Variants in EHHADH observed in about 807,000 individuals in gnomAD.
EHHADH encodes the protein enoyl-CoA hydratase and 3-hydroxyacyl CoA dehydrogenase, also known as peroxisomal bifunctional enzyme.
A neutral mutation model predicts 64.4 loss-of-function variants in EHHADH; 48 were observed. The observed-to-expected ratio is 0.75, with a 90% confidence interval of 0.59 to 0.95. The LOEUF (loss-of-function observed/expected upper bound fraction) is 0.95, where lower values mean the gene tolerates loss of function less well. Among genes scored for constraint, EHHADH ranks in the 40% least tolerant of loss-of-function variants. EHHADH has a pLI of 0.00. For missense variants in EHHADH, 854 were observed against 876.6 expected (o/e 0.97, Z 0.33); for synonymous variants, 308 against 326.7 (o/e 0.94, Z 0.62).
chr3:185,204,145 A>T (rs1239096284), intron 6 of EHHADH, among the ~76,000 whole-genome samples: 6 of 150,656 alleles, frequency 4.0e-5, no homozygotes, highest in East Asian at 3.9e-4. Context: ...AAAAAAAAAA[A>T]AAAAAAAAAA....
chr3:185,203,252 G>T (rs1718281389), intron 6 of EHHADH, among the ~76,000 whole-genome samples: 1 of 151,968 alleles, frequency 6.6e-6, no homozygotes, highest in South Asian at 2.1e-4. Context: ...TCAGAAAAGA[G>T]AGAGGGAAAT....
At position 185,246,287 on chromosome 3, in the gene EHHADH, A is replaced by G. The variant is rs565238718; in HGVS notation, c.178+2127T>C. On this transcript the variant is annotated intron_variant, in intron 2 of 6. Coordinates refer to ENST00000231887, the MANE Select transcript of EHHADH (RefSeq NM_001966.4). ...TACTGTCCTCATTGTCAGCTTCCAA[A>G]TCTTTGTCCTCAGTTGGCTCTGGCT... is the stretch of plus-strand genomic sequence containing the variant. The G allele has an allele frequency of 7.4e-6, 6 of 808,838 alleles. No individual in the cohort carries two copies. In the South Asian group the frequency reaches 1.0e-4, roughly 14 times the overall value. The allele number at this position is 808,838 out of a possible 1,614,324, so 50.1% of individuals were successfully genotyped here. A position where few individuals can be genotyped will look rare whatever the true frequency, so the allele number is the denominator to read the frequency against.
At position 185,195,853 on chromosome 3, in the gene EHHADH, A is replaced by C. The variant is rs999106051; in HGVS notation, c.911-2366T>G. Among the ~76,000 whole-genome samples, 6 of 152,310 alleles carry C rather than the reference A, an allele frequency of 3.9e-5. 1 individual carries two copies. In the Middle Eastern group the frequency reaches 0.014, roughly 345 times the overall value. On this transcript the variant is annotated intron_variant, in intron 6 of 6. Transcript: ENST00000231887. ...TGTTCACTACTTGAGTGAACATTAGAAGCCCAAACCTTGGCATTACGCAAT... is the reference window on the plus strand; with the variant it reads ...TGTTCACTACTTGAGTGAACATTAGCAGCCCAAACCTTGGCATTACGCAAT...
At chr3:185,206,700 C>T (rs998244380) in intron 5 of EHHADH, among the ~76,000 whole-genome samples, 4 of 151,796 alleles carry the variant, frequency 2.6e-5, no homozygotes, top group Non-Finnish European at 5.9e-5. Context: ...TGGTGGTGTG[C>T]ACCTGTAATC....
rs114625992 is a variant in EHHADH at position 185,248,263 on chromosome 3, C to T, written c.178+151G>A. 1,219 of 661,676 alleles carry T rather than the reference C, an allele frequency of 1.8e-3. 14 individuals carry two copies. In the African/African-American group the frequency reaches 0.019, roughly 10 times the overall value. The allele number at this position is 661,676 out of a possible 1,614,324, so 41.0% of individuals were successfully genotyped here. A position where few individuals can be genotyped will look rare whatever the true frequency, so the allele number is the denominator to read the frequency against. On this transcript the variant is annotated intron_variant, in intron 2 of 6. Transcript: ENST00000231887. ...TCTGGGTCTCTCTTGTAATTCCTGTCCCTTTCTCCACAGTGTTACTCATTC... is the reference window on the plus strand; with the variant it reads ...TCTGGGTCTCTCTTGTAATTCCTGTTCCTTTCTCCACAGTGTTACTCATTC...
chr3:185,200,302 G>A (rs1042502101), intron 6 of EHHADH, among the ~76,000 whole-genome samples: 1 of 152,124 alleles, frequency 6.6e-6, no homozygotes, highest in African/African-American at 2.4e-5. Flanking sequence ...CACTGATTTA[G>A]TCTCTCTAGA....
intron 4 of EHHADH, among the ~76,000 whole-genome samples, chr3:185,220,835 C>G (rs1718812711): frequency 6.6e-6 from 1 of 152,170 alleles, no homozygotes; most frequent in Non-Finnish European, 1.5e-5. Flanking sequence ...TTCTTGATAG[C>G]TTCTTTTCTA....
intron 5 of EHHADH, among the ~76,000 whole-genome samples, chr3:185,217,761 TTTTC>T (rs761295802): frequency 0.021 from 191 of 8,888 alleles, no homozygotes; most frequent in Middle Eastern, 0.11. Context: ...AGCCTCAGGA[TTTTC>T]TTTTTTTTTT....
chr3:185,226,835 C>A (rs1718991616), intron 4 of EHHADH: 1 of 152,092 alleles, frequency 6.6e-6, no homozygotes, highest in Non-Finnish European at 1.5e-5. Context: ...TACAATGAAT[C>A]TGAGAGTCAT....
At chr3:185,226,370 C>A (rs968234704) in intron 4 of EHHADH, among the ~76,000 whole-genome samples, 1 of 152,124 alleles carries the variant, frequency 6.6e-6, no homozygotes, top group Non-Finnish European at 1.5e-5. Flanking sequence ...TCCTCCAGGC[C>A]GGGCACAGTG....
intron 1 of EHHADH, among the ~76,000 whole-genome samples, chr3:185,251,648 C>G (rs1173824266): frequency 6.7e-6 from 1 of 149,928 alleles, no homozygotes; most frequent in Non-Finnish European, 1.5e-5. Context: ...GTATTACACT[C>G]AAGTAAGAAT....
chr3:185,235,117 T>C (rs952743548), intron 3 of EHHADH, among the ~76,000 whole-genome samples, 173 bp downstream of exon 3: 1 of 150,464 alleles, frequency 6.6e-6, no homozygotes, highest in Non-Finnish European at 1.5e-5. Context: ...GAGGTGGAGG[T>C]TGCAGTGAGC....
In EHHADH at chr3:185,204,261, T is replaced by C. The variant is rs113061833; in HGVS notation, c.910+155A>G. Among the ~76,000 whole-genome samples, 177 of 152,098 alleles carry C rather than the reference T, an allele frequency of 1.2e-3. 1 individual carries two copies. The highest frequency in any genetic ancestry group is 4.1e-3 in the African/African-American group (169 of 41,486). ...GGCTGGCGTCTCTAGGCCTCTCATG[T>C]TAAAGAAGAGAGCTCATGGGGTGGT... is the stretch of plus-strand genomic sequence containing the variant. On this transcript the variant is annotated intron_variant, in intron 6 of 6. Coordinates refer to ENST00000231887, the MANE Select transcript of EHHADH (RefSeq NM_001966.4).
chr3:185,235,328 G>T lies in EHHADH; in HGVS notation c.313C>A (p.Leu105Met). The change falls in exon 3 of 7, where the codon CTG (leucine) becomes ATG (methionine). Residue 105 changes from leucine (L) to methionine (M), a missense_variant. Coordinates refer to ENST00000231887, the MANE Select transcript of EHHADH (RefSeq NM_001966.4). ...ATCCTATAGTGACAGCCCAGGGCCA[G>T]CTCTAGTCCCCCTCCGAAAGCCATG... is the stretch of plus-strand genomic sequence containing the variant. ...QGMAFGGGLE[L>M]ALGCHYRIAH... is the part of the protein sequence containing the mutation. 6.2e-7 allele frequency: 1 copy of T among 1,613,910 alleles called. No homozygotes were observed. Among genetic ancestry groups the T allele is most frequent in the African/African-American group, 1.3e-5 (1 of 75,036 alleles).
intron 4 of EHHADH, among the ~76,000 whole-genome samples, chr3:185,218,503 G>A (rs1217809359): frequency 6.6e-6 from 1 of 151,924 alleles, no homozygotes; most frequent in African/African-American, 2.4e-5. Flanking sequence ...TTTCCTCATT[G>A]GCAAATGGCA....
intron 1 of EHHADH, among the ~76,000 whole-genome samples, chr3:185,252,012 G>GT (rs1577380716): frequency 2.6e-5 from 4 of 152,254 alleles, no homozygotes; most frequent in African/African-American, 7.2e-5. Context: ...ACTTTATGAG[G>GT]TAGGCCCTAA....
intron 1 of EHHADH, among the ~76,000 whole-genome samples, chr3:185,250,011 T>C (rs1577379799): frequency 6.6e-6 from 1 of 152,258 alleles, no homozygotes; most frequent in East Asian, 1.9e-4. Flanking sequence ...GTAGAAGCTA[T>C]GTATTGAGGA....
chr3:185,220,932 G>A (rs1718816327), intron 4 of EHHADH, among the ~76,000 whole-genome samples: 1 of 152,148 alleles, frequency 6.6e-6, no homozygotes, highest in Non-Finnish European at 1.5e-5. Flanking sequence ...TAAAAAGACA[G>A]GTGTATAATT....
chr3:185,201,314 T>C (rs769762928), intron 6 of EHHADH, among the ~76,000 whole-genome samples: 3 of 152,128 alleles, frequency 2.0e-5, no homozygotes, highest in Non-Finnish European at 2.9e-5. Context: ...AGTGGGTAAC[T>C]GTGAGCCAGG....
Sources: allele counts gnomAD v4.1 joint callset (sites outside exome capture counted in the v4.1 genomes callset), GRCh38; gene constraint gnomAD v4.1.1; transcripts MANE v1.5; gene names NCBI Gene and HGNC (gene_info 2026-07-23, HGNC 2026-07-21).